POU2F1: variants seen among roughly 807,000 people sequenced by gnomAD.
POU2F1 encodes the protein POU class 2 homeobox 1.
In POU2F1, 16 loss-of-function variants were observed where a neutral mutation model predicts 84.9. The observed-to-expected ratio is 0.19, with a 90% CI of 0.13 to 0.29. The LOEUF (loss-of-function observed/expected upper bound fraction) is 0.29. Among genes scored for constraint, POU2F1 ranks in the 10% least tolerant of loss-of-function variants. POU2F1 has a pLI of 1.00. For synonymous variants in POU2F1, 368 were observed against 368.3 expected (o/e 1.00, Z 0.01); for missense variants, 738 against 942.6 (o/e 0.78, Z 2.84).
At chr1:167,335,193 T>C (rs953952454) in intron 2 of POU2F1, among the ~76,000 whole-genome samples, 1 of 152,178 alleles carries the variant, frequency 6.6e-6, no homozygotes, top group African/African-American at 2.4e-5. Flanking sequence ...ATCAGTGTTA[T>C]TAGGATGTAC....
At chr1:167,384,334 T>C (rs1285128342) in intron 8 of POU2F1, among the ~76,000 whole-genome samples, 1 of 152,168 alleles carries the variant, frequency 6.6e-6, no homozygotes, top group African/African-American at 2.4e-5. Context: ...TTTTGATCTC[T>C]ATATTTTCTT....
chr1:167,313,850 C>T (rs948540671), intron 1 of POU2F1, among the ~76,000 whole-genome samples: 1 of 152,140 alleles, frequency 6.6e-6, no homozygotes, highest in African/African-American at 2.4e-5. Context: ...ATAAAGGACT[C>T]CTGTCTACAA....
chr1:167,230,804 A>G (rs151164329), intron 1 of POU2F1, among the ~76,000 whole-genome samples: 1 of 152,366 alleles, frequency 6.6e-6, no homozygotes, highest in East Asian at 1.9e-4. Flanking sequence ...TGGTAGGGAC[A>G]GAGTAGGCCT....
intron 1 of POU2F1, among the ~76,000 whole-genome samples, chr1:167,291,116 G>C (rs148826595): frequency 6.6e-6 from 1 of 151,646 alleles, no homozygotes; most frequent in East Asian, 1.9e-4. Context: ...AGAGGCGTCA[G>C]TGTGAAGAAC....
chr1:167,346,256 C>T (rs1483455384), intron 2 of POU2F1, among the ~76,000 whole-genome samples: 1 of 152,134 alleles, frequency 6.6e-6, no homozygotes, highest in Non-Finnish European at 1.5e-5. Context: ...ATTTAGCAAA[C>T]AGCCACCTAT....
At chr1:167,371,622 C>G (rs1374394067) in intron 4 of POU2F1, among the ~76,000 whole-genome samples, 1 of 152,130 alleles carries the variant, frequency 6.6e-6, no homozygotes, top group African/African-American at 2.4e-5. Flanking sequence ...ATATTCTTCC[C>G]TTTACCCCCT....
Position 167,417,207 on chromosome 1 carries a change from G to C in POU2F1, c.*1397G>C, listed in dbSNP as rs977262531. On this transcript the variant is annotated 3_prime_UTR_variant, in exon 16 of 16. Transcript: ENST00000367866. ...TTCCTCTAACCCTGAGATTCTTCTT[G>C]GTTCTCTGACTAAAGGAGGCACTTA... 8.5e-5 allele frequency: 13 copies of C among 152,148 alleles called. No homozygotes were observed. Among genetic ancestry groups the C allele is most frequent in the Non-Finnish European group, 1.6e-4 (11 of 68,036 alleles). 9.4% of individuals were successfully genotyped at this position (152,148 alleles called of 1,614,324 possible).
At chr1:167,286,958 G>A (rs1327252215) in intron 1 of POU2F1, among the ~76,000 whole-genome samples, 1 of 152,208 alleles carries the variant, frequency 6.6e-6, no homozygotes, top group Admixed American at 6.5e-5. Context: ...TCAAGCTAAT[G>A]CAGGCGCTGC....
chr1:167,404,803 T>C (rs1042527474), intron 13 of POU2F1, among the ~76,000 whole-genome samples: 2 of 152,244 alleles, frequency 1.3e-5, no homozygotes, highest in Non-Finnish European at 2.9e-5. Context: ...CCTTCTGGAT[T>C]ATGGTTGATT....
chr1:167,311,619 T>G (rs961196420), intron 1 of POU2F1, among the ~76,000 whole-genome samples: 1 of 152,046 alleles, frequency 6.6e-6, no homozygotes. Flanking sequence ...TCTGGCCCTG[T>G]GTAGGCCTAG....
At chr1:167,290,552 A>G (rs1653852976) in intron 1 of POU2F1, among the ~76,000 whole-genome samples, 1 of 152,348 alleles carries the variant, frequency 6.6e-6, no homozygotes, top group African/African-American at 2.4e-5. Flanking sequence ...CATCCAGCTG[A>G]AGCGTCTCAA....
intron 10 of POU2F1, 108 bp downstream of exon 10, chr1:167,396,535 C>T: frequency 8.8e-7 from 1 of 1,139,338 alleles, no homozygotes; most frequent in Non-Finnish European, 1.2e-6. Flanking sequence ...TGTTACAGAA[C>T]CTTGAAGCTT....
intron 2 of POU2F1, among the ~76,000 whole-genome samples, chr1:167,362,787 C>T (rs1659428352): frequency 6.6e-6 from 1 of 152,114 alleles, no homozygotes; most frequent in Admixed American, 6.5e-5. Flanking sequence ...TAGGGGTCGT[C>T]TCTAGTTGCC....
At chr1:167,356,050 G>A (rs756559457) in intron 2 of POU2F1, among the ~76,000 whole-genome samples, 1 of 151,826 alleles carries the variant, frequency 6.6e-6, no homozygotes, top group Non-Finnish European at 1.5e-5. Context: ...CTCAGATCAG[G>A]TGATCCTCCC....
At position 167,286,406 on chromosome 1, in the gene POU2F1, C is replaced by A. The variant is rs146972535; in HGVS notation, c.62-46064C>A. Among the ~76,000 whole-genome samples, 1,079 of 152,278 alleles carry A rather than the reference C, an allele frequency of 7.1e-3. 9 individuals carry two copies. The highest frequency in any genetic ancestry group is 0.011 in the Non-Finnish European group (717 of 68,014). On this transcript the variant is annotated intron_variant, in intron 1 of 15. Coordinates refer to ENST00000367866, the MANE Select transcript of POU2F1 (RefSeq NM_002697.4). ...ACCAGTAAGTTTCCATTCCTACTCT[C>A]CTGTTTAGAGCATTCATCAAAACCT...
chr1:167,320,047 A>T (rs1656199296), intron 1 of POU2F1, among the ~76,000 whole-genome samples: 1 of 151,804 alleles, frequency 6.6e-6, no homozygotes, highest in Non-Finnish European at 1.5e-5. Flanking sequence ...GTCCTGGAAG[A>T]GGTATATGAG....
intron 7 of POU2F1, 88 bp downstream of exon 7, chr1:167,376,243 G>C: frequency 7.4e-7 from 1 of 1,353,466 alleles, no homozygotes; most frequent in Non-Finnish European, 9.9e-7. Context: ...TTTTGGCCCT[G>C]AAACTATTAG....
At chr1:167,303,975 G>T (rs1228097620) in intron 1 of POU2F1, among the ~76,000 whole-genome samples, 1 of 151,772 alleles carries the variant, frequency 6.6e-6, no homozygotes, top group Non-Finnish European at 1.5e-5. Context: ...TAAAATTAAT[G>T]TAGTAATGAG....
At chr1:167,237,764 ATATATATATTTTTTTTTT>A (rs1236126972) in intron 1 of POU2F1, among the ~76,000 whole-genome samples, 31 of 16,304 alleles carry the variant, frequency 1.9e-3, no homozygotes, top group African/African-American at 4.4e-3. Flanking sequence ...ATATATATAT[ATATATATATTTTTTTTTT>A]TTTTTTTTTT....
Sources: gnomAD v4.1 joint callset for allele counts (sites outside exome capture counted in the v4.1 genomes callset) on GRCh38, gnomAD v4.1.1 for gene constraint, MANE v1.5 for transcripts, NCBI Gene and HGNC (gene_info 2026-07-23, HGNC 2026-07-21) for gene names.